SERPINB10: variants seen among roughly 807,000 people sequenced by gnomAD.
The protein encoded by SERPINB10 is serpin family B member 10, also known as serpin B10.
A neutral mutation model predicts 39.1 loss-of-function variants in SERPINB10; 35 were observed. The observed-to-expected ratio is 0.90, with a 90% CI of 0.68 to 1.19. The LOEUF is 1.19. Ranked by LOEUF, SERPINB10 falls within the 50% of genes most tolerant of loss-of-function variation. The probability of loss-of-function intolerance (pLI) is 0.00; values close to 1 mark genes in which losing one functional copy is unlikely to be tolerated. For missense variants in SERPINB10, 546 were observed against 460.5 expected, an observed-to-expected ratio of 1.19 and a Z score of -1.70; for synonymous variants, 190 against 158.1, an observed-to-expected ratio of 1.20 and a Z score of -1.52.
At chr18:63,922,876 T>G (rs950266899) in intron 5 of SERPINB10, among the ~76,000 whole-genome samples, 10 of 151,984 alleles carry the variant, frequency 6.6e-5, no homozygotes, top group African/African-American at 2.4e-4. Context: ...TTATTTCATT[T>G]CAATTAATTT....
chr18:63,930,326 C>A (rs932522766), intron 6 of SERPINB10, 139 bp downstream of exon 6: 1 of 890,510 alleles, frequency 1.1e-6, no homozygotes, highest in South Asian at 1.7e-5. Context: ...GGGCTAAAAG[C>A]CTTCAGTTCC....
At chr18:63,916,488 G>GGGCA (rs2050103975) in intron 2 of SERPINB10, among the ~76,000 whole-genome samples, 1 of 151,942 alleles carries the variant, frequency 6.6e-6, no homozygotes, top group Admixed American at 6.6e-5. Context: ...TGAGGGAAGT[G>GGGCA]GGCAGAACAC....
At position 63,919,851 on chromosome 18, in the gene SERPINB10, G is replaced by A. The variant is rs1037626478; in HGVS notation, c.436G>A (p.Ala146Thr). The A allele has an allele frequency of 2.8e-5, 45 of 1,610,578 alleles. 2 individuals carry two copies. In the East Asian group the frequency reaches 9.2e-4, roughly 33 times the overall value. The change falls in exon 5 of 8, where the codon GCT becomes ACT. Residue 146 changes from alanine (A) to threonine (T), a missense_variant. By Grantham distance (58) the Ala-to-Thr change is moderately conservative. Coordinates refer to ENST00000238508, the MANE Select transcript of SERPINB10 (RefSeq NM_005024.3). ...ACCTCAGCCTGTTAACTTTGTGGAA[G>A]CTTCTGATCAAATCAGAAAGGACAT... ...AEPQPVNFVEASDQIRKDINS... is the reference protein window; with the variant it reads ...AEPQPVNFVETSDQIRKDINS...
chr18:63,918,524 C>G (rs532557635), intron 4 of SERPINB10, among the ~76,000 whole-genome samples: 1 of 152,086 alleles, frequency 6.6e-6, no homozygotes, highest in South Asian at 2.1e-4. Flanking sequence ...CAATGCAGAC[C>G]ATGATGACTC....
chr18:63,908,033 A>G lies in SERPINB10; in HGVS notation c.-17A>G. ...ATTGCCAATTCTGCTCCAGTGGGAG[A>G]AAACAAGGTATTGTAAATATTTCTT... On this transcript the variant is annotated 5_prime_UTR_variant, in exon 1 of 8. Coordinates refer to ENST00000238508, the MANE Select transcript of SERPINB10 (RefSeq NM_005024.3). The G allele has an allele frequency of 5.9e-6, 2 of 338,958 alleles. No individual in the cohort carries two copies. The highest frequency in any genetic ancestry group is 2.4e-5 in the South Asian group (1 of 41,944). 21.0% of individuals were successfully genotyped at this position (338,958 alleles called of 1,614,324 possible).
Position 63,918,086 on chromosome 18 carries a change from C to T in SERPINB10, c.356C>T (p.Thr119Met), listed in dbSNP as rs201800135. 4.9e-5 allele frequency: 79 copies of T among 1,612,038 alleles called. No individual in the cohort carries two copies. The highest frequency in any genetic ancestry group is 1.7e-5 in the Admixed American group (1 of 59,774). Residue 119 changes from threonine (T) to methionine (M), a missense_variant, in exon 4 of 8, where the codon ACG becomes ATG. Coordinates refer to ENST00000238508, the MANE Select transcript of SERPINB10 (RefSeq NM_005024.3). ...GCCAATGCGATATATGGAGAGAAAA[C>T]GTATGCATTTCACAATGTAAGTGCA... ...KTANAIYGEK[T>M]YAFHNKYLED... is the part of the protein sequence containing the mutation.
At chr18:63,934,194 A>G (rs928712295) in intron 7 of SERPINB10, among the ~76,000 whole-genome samples, 17 of 152,214 alleles carry the variant, frequency 1.1e-4, no homozygotes, top group African/African-American at 4.1e-4. Context: ...ATACACATAT[A>G]TACATGTGTA....
At chr18:63,929,389 A>T (rs2050203310) in intron 5 of SERPINB10, among the ~76,000 whole-genome samples, 1 of 152,050 alleles carries the variant, frequency 6.6e-6, no homozygotes, top group Admixed American at 6.6e-5. Context: ...AGGGCAGTTA[A>T]GTCCTGTTAT....
At chr18:63,916,867 G>A (rs1013391096) in intron 2 of SERPINB10, among the ~76,000 whole-genome samples, 4 of 151,998 alleles carry the variant, frequency 2.6e-5, no homozygotes, top group South Asian at 2.1e-4. Context: ...ATTGTCAGCC[G>A]GGTCCAGGAC....
intron 1 of SERPINB10, among the ~76,000 whole-genome samples, chr18:63,911,190 G>C (rs2050061822): frequency 6.6e-6 from 1 of 151,888 alleles, no homozygotes; most frequent in Non-Finnish European, 1.5e-5. Flanking sequence ...TTAAACTTTT[G>C]TCAGTGGAAT....
intron 5 of SERPINB10, among the ~76,000 whole-genome samples, chr18:63,927,384 A>G (rs1734405577): frequency 6.6e-6 from 1 of 152,038 alleles, no homozygotes; most frequent in Non-Finnish European, 1.5e-5. Context: ...CTGCTATAAC[A>G]AAACATCTTA....
intron 4 of SERPINB10, 72 bp downstream of exon 4, chr18:63,918,174 A>G (rs2050118774): frequency 6.6e-7 from 1 of 1,514,818 alleles, no homozygotes; most frequent in African/African-American, 1.4e-5. Flanking sequence ...TAAACTCTGT[A>G]TATTTCTTTA....
intron 2 of SERPINB10, among the ~76,000 whole-genome samples, chr18:63,916,353 A>ATT (rs2050102862): frequency 2.6e-4 from 39 of 151,488 alleles, no homozygotes; most frequent in Admixed American, 2.5e-3. Context: ...TAAATAAAAA[A>ATT]AAAAAAAAAC....
At chr18:63,920,262 A>T (rs1034981269) in intron 5 of SERPINB10, among the ~76,000 whole-genome samples, 17 of 152,066 alleles carry the variant, frequency 1.1e-4, no homozygotes, top group African/African-American at 3.9e-4. Context: ...AATAACAGAA[A>T]TGTGGCATTA....
intron 5 of SERPINB10, among the ~76,000 whole-genome samples, chr18:63,920,882 T>C (rs1275859684): frequency 6.6e-6 from 1 of 151,976 alleles, no homozygotes; most frequent in African/African-American, 2.4e-5. Flanking sequence ...GTTTTATTTC[T>C]AAAAGGAAGT....
intron 6 of SERPINB10, among the ~76,000 whole-genome samples, chr18:63,931,561 T>C (rs906664297): frequency 3.3e-5 from 5 of 152,158 alleles, no homozygotes; most frequent in African/African-American, 1.2e-4. Flanking sequence ...GGGGTGTTTG[T>C]TTTGCTTTCA....
chr18:63,916,951 C>T (rs1047369671), intron 2 of SERPINB10, among the ~76,000 whole-genome samples: 1 of 152,008 alleles, frequency 6.6e-6, no homozygotes, highest in Admixed American at 6.6e-5. Context: ...TACATCTTTC[C>T]TGTTAACTTT....
chr18:63,912,091 A>T (rs2050069128), intron 1 of SERPINB10, among the ~76,000 whole-genome samples: 1 of 151,734 alleles, frequency 6.6e-6, no homozygotes, highest in Non-Finnish European at 1.5e-5. Flanking sequence ...TTTGAATGTT[A>T]TTGGTATATA....
At chr18:63,916,190 T>C (rs1159333057) in intron 2 of SERPINB10, among the ~76,000 whole-genome samples, 3 of 151,928 alleles carry the variant, frequency 2.0e-5, no homozygotes, top group Non-Finnish European at 4.4e-5. Flanking sequence ...TACTATTATA[T>C]ACAGAACTAT....
Sources: gnomAD v4.1 joint callset for allele counts (sites outside exome capture counted in the v4.1 genomes callset) on GRCh38, gnomAD v4.1.1 for gene constraint, MANE v1.5 for transcripts, NCBI Gene and HGNC (gene_info 2026-07-23, HGNC 2026-07-21) for gene names.